The following CDH12 variants were observed in gnomAD, a reference collection of about 807,000 sequenced individuals.
The protein encoded by CDH12 is cadherin 12.
CDH12 carries 41 observed loss-of-function variants against 74.1 expected under a neutral mutation model. That is an observed-to-expected ratio of 0.55 (90% CI 0.43 to 0.72). The LOEUF (loss-of-function observed/expected upper bound fraction) is 0.72, where lower values mean the gene tolerates loss of function less well. Among genes scored for constraint, CDH12 ranks in the 30% least tolerant of loss-of-function variants. The probability of loss-of-function intolerance (pLI) is 0.00; values close to 1 mark genes in which losing one functional copy is unlikely to be tolerated. For synonymous variants in CDH12, 399 were observed against 355.0 expected (o/e 1.12, Z -1.39); for missense variants, 945 against 977.2 (o/e 0.97, Z 0.44).
chr5:22,003,930 C>G (rs147218929), intron 5 of CDH12, among the ~76,000 whole-genome samples: 57 of 146,642 alleles, frequency 3.9e-4, no homozygotes, highest in Non-Finnish European at 6.0e-4. Flanking sequence ...TATGTTAAAA[C>G]GTTTTTGGCT....
At chr5:22,619,749 A>G (rs2126838074) in intron 1 of CDH12, among the ~76,000 whole-genome samples, 1 of 151,796 alleles carries the variant, frequency 6.6e-6, no homozygotes, top group African/African-American at 2.4e-5. Context: ...AAAAGTCTCC[A>G]CTGTTTACTG....
intron 2 of CDH12, among the ~76,000 whole-genome samples, chr5:22,426,624 T>C (rs111489626): frequency 6.6e-6 from 1 of 152,160 alleles, no homozygotes; most frequent in Non-Finnish European, 1.5e-5. Context: ...GTAGCTATTA[T>C]AGGCATACAG....
chr5:22,465,931 G>A (rs988697793), intron 2 of CDH12, among the ~76,000 whole-genome samples: 13 of 152,166 alleles, frequency 8.5e-5, no homozygotes, highest in Non-Finnish European at 1.8e-4. Context: ...AGGCAAAGCA[G>A]ATTAATGTGT....
chr5:22,586,431 T>C (rs1740404618), intron 1 of CDH12, among the ~76,000 whole-genome samples: 1 of 151,748 alleles, frequency 6.6e-6, no homozygotes, highest in African/African-American at 2.4e-5. Context: ...GGCACATGTA[T>C]ACATATGTAA....
intron 1 of CDH12, among the ~76,000 whole-genome samples, chr5:22,631,653 A>G (rs1178064912): frequency 6.6e-6 from 1 of 152,116 alleles, no homozygotes; most frequent in Admixed American, 6.5e-5. Flanking sequence ...AGACTGGGTA[A>G]CTTATAAAAA....
At chr5:22,832,376 G>A (rs1477878118) in intron 1 of CDH12, among the ~76,000 whole-genome samples, 2 of 152,158 alleles carry the variant, frequency 1.3e-5, no homozygotes, top group Non-Finnish European at 1.5e-5. Context: ...GGTGTCACAA[G>A]TTTGTTCTGT....
At chr5:21,826,652 G>A (rs1748689049) in intron 8 of CDH12, among the ~76,000 whole-genome samples, 1 of 152,008 alleles carries the variant, frequency 6.6e-6, no homozygotes, top group South Asian at 2.1e-4. Flanking sequence ...CATGTAGCGG[G>A]GAAATTACCC....
chr5:21,987,942 A>C (rs1444271522), intron 5 of CDH12, among the ~76,000 whole-genome samples: 1 of 151,984 alleles, frequency 6.6e-6, no homozygotes, highest in Non-Finnish European at 1.5e-5. Flanking sequence ...CTCCTTCACA[A>C]AGCCCTTTGC....
At chr5:22,270,790 G>A (rs566154393) in intron 3 of CDH12, among the ~76,000 whole-genome samples, 1 of 151,926 alleles carries the variant, frequency 6.6e-6, no homozygotes, top group African/African-American at 2.4e-5. Flanking sequence ...TCCTGCTTCA[G>A]CCTCCAAAGT....
chr5:22,211,665 T>C (rs536780853), intron 4 of CDH12, among the ~76,000 whole-genome samples: 1 of 152,056 alleles, frequency 6.6e-6, no homozygotes, highest in South Asian at 2.1e-4. Context: ...TAATATGGAA[T>C]GGTTTAATCT....
intron 3 of CDH12, among the ~76,000 whole-genome samples, chr5:22,214,228 C>T (rs2150364673): frequency 6.6e-6 from 1 of 152,260 alleles, no homozygotes; most frequent in Middle Eastern, 3.4e-3. Context: ...GACGGCCCTG[C>T]AGAAGCCCCA....
At chr5:22,697,859 C>T (rs1742460752) in intron 1 of CDH12, among the ~76,000 whole-genome samples, 1 of 152,016 alleles carries the variant, frequency 6.6e-6, no homozygotes, top group Non-Finnish European at 1.5e-5. Flanking sequence ...GCCCTCTCTG[C>T]ATGTGCACGA....
intron 1 of CDH12, among the ~76,000 whole-genome samples, chr5:22,545,896 T>C (rs914524269): frequency 6.6e-6 from 1 of 152,168 alleles, no homozygotes; most frequent in Admixed American, 6.5e-5. Flanking sequence ...GTTTGAGTTA[T>C]ACAGTAATGT....
At chr5:22,645,450 A>G (rs268981) in intron 1 of CDH12, among the ~76,000 whole-genome samples, 90,642 of 151,800 alleles carry the variant, frequency 0.6, 27,759 homozygotes, top group East Asian at 0.88. Context: ...TTGAACAGAT[A>G]AAGAGTTGCT....
chr5:22,316,039 C>T (rs1163931198), intron 3 of CDH12, among the ~76,000 whole-genome samples: 2 of 151,996 alleles, frequency 1.3e-5, no homozygotes, highest in Non-Finnish European at 2.9e-5. Flanking sequence ...TAACAGAGTC[C>T]TGACAAGAGA....
At chr5:22,800,989 T>G (rs1252982520) in intron 1 of CDH12, among the ~76,000 whole-genome samples, 1 of 152,094 alleles carries the variant, frequency 6.6e-6, no homozygotes, top group African/African-American at 2.4e-5. Flanking sequence ...TAATTATGAA[T>G]AGAGCCGCCA....
intron 3 of CDH12, among the ~76,000 whole-genome samples, chr5:22,269,437 C>T (rs1736284395): frequency 6.6e-6 from 1 of 152,064 alleles, no homozygotes; most frequent in Admixed American, 6.6e-5. Context: ...ATCTACTTAA[C>T]CTGGTTGTTT....
intron 5 of CDH12, among the ~76,000 whole-genome samples, chr5:22,023,316 C>T (rs1457026477): frequency 6.6e-6 from 1 of 152,024 alleles, no homozygotes; most frequent in Admixed American, 6.6e-5. Context: ...TATTTTAATA[C>T]CCTGTTATTT....
intron 6 of CDH12, among the ~76,000 whole-genome samples, chr5:21,968,562 T>G (rs1253115985): frequency 6.6e-6 from 1 of 152,168 alleles, no homozygotes; most frequent in Admixed American, 6.5e-5. Context: ...TTCACAGGCG[T>G]TGAATATAAT....
Sources: gnomAD v4.1 joint callset for allele counts (sites outside exome capture counted in the v4.1 genomes callset) on GRCh38, gnomAD v4.1.1 for gene constraint, MANE v1.5 for transcripts, NCBI Gene and HGNC (gene_info 2026-07-23, HGNC 2026-07-21) for gene names.